GRIN2B: variants seen among roughly 807,000 people sequenced by gnomAD.
GRIN2B encodes the protein glutamate ionotropic receptor NMDA type subunit 2B.
Under a neutral mutation model 114.5 loss-of-function variants are expected in GRIN2B, and 5 were observed. The ratio of observed to expected loss-of-function variants is 0.04; its 90% CI spans 0.02 to 0.09. The LOEUF (loss-of-function observed/expected upper bound fraction) is 0.09, where lower values mean the gene tolerates loss of function less well. GRIN2B is among the 10% of genes least tolerant of loss of function. The pLI is 1.00. For missense variants in GRIN2B, 1,108 were observed against 1,943.5 expected (o/e 0.57, Z 8.08); for synonymous variants, 787 against 745.1 (o/e 1.06, Z -0.92).
intron 3 of GRIN2B, among the ~76,000 whole-genome samples, chr12:13,775,422 C>A (rs955382490): frequency 1.3e-5 from 2 of 152,122 alleles, no homozygotes; most frequent in South Asian, 2.1e-4. Context: ...TAGGAATGCA[C>A]CTGCCTCTCC....
Position 13,934,669 on chromosome 12 carries a change from C to T in GRIN2B, c.-19+45259G>A, listed in dbSNP as rs575706077. Reference sequence around the variant, plus strand: ...CAGATGCCCATAACAGGGCATCTGGCCATCACGTACAACTTCATCACTGGC... The same window carrying T: ...CAGATGCCCATAACAGGGCATCTGGTCATCACGTACAACTTCATCACTGGC... On this transcript the variant is annotated intron_variant, in intron 2 of 13. Transcript: ENST00000609686. 5.6e-5 allele frequency among the ~76,000 whole-genome samples: 8 copies of T among 144,118 alleles called. 1 individual carries two copies. The highest frequency in any genetic ancestry group is 2.4e-4 in the African/African-American group (8 of 33,818). 94.5% of individuals were successfully genotyped at this position (144,118 alleles called of 152,430 possible). A position where few individuals can be genotyped will look rare whatever the true frequency, so the allele number is the denominator to read the frequency against.
chr12:13,819,068 G>A (rs954849218), intron 3 of GRIN2B, among the ~76,000 whole-genome samples: 1 of 152,148 alleles, frequency 6.6e-6, no homozygotes. Context: ...GGGTCTTTAG[G>A]GGGTGATTAA....
At chr12:13,834,823 G>A (rs73055657) in intron 3 of GRIN2B, among the ~76,000 whole-genome samples, 31,348 of 152,144 alleles carry the variant, frequency 0.21, 3,459 homozygotes, top group Non-Finnish European at 0.23. Flanking sequence ...GTATATTAGA[G>A]TCAACTGGAG....
At chr12:13,927,444 T>C (rs1250241940) in intron 2 of GRIN2B, among the ~76,000 whole-genome samples, 2 of 152,146 alleles carry the variant, frequency 1.3e-5, no homozygotes, top group African/African-American at 4.8e-5. Context: ...GTCATAGCTA[T>C]TCGACTTTGC....
intron 4 of GRIN2B, among the ~76,000 whole-genome samples, chr12:13,710,891 T>C (rs1273124592): frequency 1.2e-4 from 19 of 152,014 alleles, no homozygotes; most frequent in Non-Finnish European, 2.2e-4. Flanking sequence ...AAAGTTCATA[T>C]GCAACCAAAA....
intron 3 of GRIN2B, among the ~76,000 whole-genome samples, chr12:13,797,084 T>C (rs1314506681): frequency 2.0e-5 from 3 of 152,198 alleles, no homozygotes; most frequent in Non-Finnish European, 4.4e-5. Flanking sequence ...AAAATACCCA[T>C]TGACTGGGTA....
At chr12:13,764,183 C>CAA (rs111977459) in intron 3 of GRIN2B, among the ~76,000 whole-genome samples, 3,364 of 106,378 alleles carry the variant, frequency 0.032, 151 homozygotes, top group African/African-American at 0.1. Context: ...ATATCCATAC[C>CAA]AAAAAAAAAA....
intron 3 of GRIN2B, among the ~76,000 whole-genome samples, chr12:13,756,228 C>G (rs1418348308): frequency 6.6e-6 from 1 of 152,026 alleles, no homozygotes; most frequent in Non-Finnish European, 1.5e-5. Context: ...CTTGGCCAGG[C>G]TGGTCTTGAA....
intron 2 of GRIN2B, among the ~76,000 whole-genome samples, chr12:13,889,035 CTT>C (rs1033575360): frequency 6.6e-6 from 1 of 152,288 alleles, no homozygotes; most frequent in South Asian, 2.1e-4. Context: ...ACTTCTGTCT[CTT>C]TTGTAAGACA....
At chr12:13,841,453 T>C (rs1865377865) in intron 3 of GRIN2B, among the ~76,000 whole-genome samples, 1 of 152,110 alleles carries the variant, frequency 6.6e-6, no homozygotes. Flanking sequence ...TCCCCCGCAA[T>C]CCCGGAACCT....
chr12:13,917,442 C>G (rs1236128653), intron 2 of GRIN2B, among the ~76,000 whole-genome samples: 1 of 152,018 alleles, frequency 6.6e-6, no homozygotes, highest in East Asian at 1.9e-4. Flanking sequence ...TGCTGTGGTA[C>G]TTAAATAAGA....
intron 2 of GRIN2B, among the ~76,000 whole-genome samples, chr12:13,936,184 C>G (rs186665102): frequency 6.6e-6 from 1 of 152,254 alleles, no homozygotes; most frequent in Non-Finnish European, 1.5e-5. Flanking sequence ...ATTTTCTAGA[C>G]AGCACCCATT....
chr12:13,825,138 G>C (rs1290249827), intron 3 of GRIN2B, among the ~76,000 whole-genome samples: 1 of 151,844 alleles, frequency 6.6e-6, no homozygotes, highest in Non-Finnish European at 1.5e-5. Flanking sequence ...TTTTAATTCA[G>C]TCCAAAATAT....
rs577565862 is a variant in GRIN2B at position 13,763,197 on chromosome 12, T to C, written c.412-9282A>G. 1.2e-3 allele frequency among the ~76,000 whole-genome samples: 187 copies of C among 152,314 alleles called. 1 individual carries two copies. Among genetic ancestry groups the C allele is most frequent in the Middle Eastern group, 3.4e-3 (1 of 292 alleles). The stretch of plus-strand genomic sequence containing the variant: ...CATTCAACTATAAGACTTTGAACTT[T>C]AGTCACCAAGTACTGCCTTCTGATC... On this transcript the variant is annotated intron_variant, in intron 3 of 13. Coordinates refer to ENST00000609686, the MANE Select transcript of GRIN2B (RefSeq NM_000834.5).
chr12:13,562,599 A>G lies in GRIN2B; in HGVS notation c.*184T>C. On this transcript the variant is annotated 3_prime_UTR_variant, in exon 14 of 14. Coordinates refer to ENST00000609686, the MANE Select transcript of GRIN2B (RefSeq NM_000834.5). ...AGGAGAGAACTGTGAAAAGGAGGAG[A>G]GATGGTGCTGGTCACCAGGGTTGCC... The G allele has an allele frequency of 1.6e-6, 1 of 620,308 alleles. No individual in the cohort carries two copies. The highest frequency in any genetic ancestry group is 2.9e-6 in the Non-Finnish European group (1 of 347,938). 38.4% of individuals were successfully genotyped at this position (620,308 alleles called of 1,614,324 possible).
At chr12:13,905,500 A>G (rs955924708) in intron 2 of GRIN2B, among the ~76,000 whole-genome samples, 1 of 152,170 alleles carries the variant, frequency 6.6e-6, no homozygotes, top group African/African-American at 2.4e-5. Context: ...GTTTCATACT[A>G]TATGCCAATA....
chr12:13,594,863 A>G (rs1177538452), intron 10 of GRIN2B, among the ~76,000 whole-genome samples: 1 of 152,098 alleles, frequency 6.6e-6, no homozygotes, highest in Non-Finnish European at 1.5e-5. Flanking sequence ...CTTTCTTCAA[A>G]AGGAGCTGGA....
chr12:13,631,154 C>A (rs547981368), intron 5 of GRIN2B, among the ~76,000 whole-genome samples: 1 of 152,108 alleles, frequency 6.6e-6, no homozygotes, highest in African/African-American at 2.4e-5. Context: ...TGGTTGGCAA[C>A]GCAGAGCCAA....
rs1948470886 is a variant in GRIN2B at position 13,555,687 on chromosome 12, G to A, written c.*7096C>T. ...TAAAGGCAGAGAGGACAGCATATGT[G>A]AGGATTCAATAATCAGATTTTCTTG... On this transcript the variant is annotated 3_prime_UTR_variant, in exon 14 of 14. Coordinates refer to ENST00000609686, the MANE Select transcript of GRIN2B (RefSeq NM_000834.5). The A allele has an allele frequency of 6.6e-6, 1 of 152,168 alleles. No homozygotes were observed. The highest frequency in any genetic ancestry group is 2.1e-4 in the South Asian group (1 of 4,828). The allele number at this position is 152,168 out of a possible 1,614,324, so 9.4% of individuals were successfully genotyped here.
Sources: allele counts gnomAD v4.1 joint callset (sites outside exome capture counted in the v4.1 genomes callset), GRCh38; gene constraint gnomAD v4.1.1; transcripts MANE v1.5; gene names NCBI Gene and HGNC (gene_info 2026-07-23, HGNC 2026-07-21).